MAP2: variants seen among roughly 807,000 people sequenced by gnomAD.
MAP2 encodes microtubule-associated protein 2.
MAP2 carries 14 observed loss-of-function variants against 137.6 expected under a neutral mutation model. That is an observed-to-expected ratio of 0.10 (90% CI 0.07 to 0.16). The LOEUF (loss-of-function observed/expected upper bound fraction) is 0.16, where lower values mean the gene tolerates loss of function less well. Ranked by LOEUF, MAP2 falls within the 10% of genes least tolerant of loss-of-function variation. The pLI is 1.00. For synonymous variants in MAP2, 786 were observed against 782.3 expected, an observed-to-expected ratio of 1.00 and a Z score of -0.08; for missense variants, 2,088 against 2,191.5, an observed-to-expected ratio of 0.95 and a Z score of 0.94.
chr2:209,649,875 G>A (rs1254768551), intron 4 of MAP2, among the ~76,000 whole-genome samples: 2 of 152,140 alleles, frequency 1.3e-5, no homozygotes, highest in Non-Finnish European at 2.9e-5. Flanking sequence ...TGGCTAGCCA[G>A]CCTTTTCTTC....
intron 1 of MAP2, among the ~76,000 whole-genome samples, chr2:209,459,746 C>T (rs552963616): frequency 1.3e-5 from 2 of 152,320 alleles, no homozygotes; most frequent in South Asian, 2.1e-4. Context: ...TACCAGGCCA[C>T]CATGCATTTT....
chr2:209,588,391 G>C (rs559660438), intron 3 of MAP2, among the ~76,000 whole-genome samples: 15 of 152,180 alleles, frequency 9.9e-5, no homozygotes, highest in Admixed American at 3.3e-4. Flanking sequence ...CCTTTTTTCA[G>C]ATTCTCTCCT....
intron 1 of MAP2, among the ~76,000 whole-genome samples, chr2:209,489,185 T>C (rs2058770015): frequency 6.6e-6 from 1 of 152,136 alleles, no homozygotes; most frequent in Non-Finnish European, 1.5e-5. Flanking sequence ...CCAGCAGACC[T>C]GCAGAAGAGG....
At chr2:209,461,909 A>AT (rs1559191960) in intron 1 of MAP2, among the ~76,000 whole-genome samples, 2 of 151,522 alleles carry the variant, frequency 1.3e-5, no homozygotes, top group East Asian at 3.9e-4. Context: ...TTTTCTTCTG[A>AT]TTTTTTTCTA....
intron 3 of MAP2, among the ~76,000 whole-genome samples, chr2:209,623,306 G>T (rs938698574): frequency 1.3e-5 from 2 of 152,002 alleles, no homozygotes; most frequent in Non-Finnish European, 2.9e-5. Flanking sequence ...CAGCAGGATG[G>T]TTCTGACCCA....
chr2:209,621,193 A>C (rs2091039454), intron 3 of MAP2, among the ~76,000 whole-genome samples: 1 of 151,562 alleles, frequency 6.6e-6, no homozygotes, highest in African/African-American at 2.4e-5. Context: ...ACAAGGGTGA[A>C]ACCAAAGAAA....
chr2:209,557,872 TGAAA>T (rs1024856424), intron 2 of MAP2, among the ~76,000 whole-genome samples: 4 of 152,210 alleles, frequency 2.6e-5, no homozygotes, highest in African/African-American at 9.6e-5. Context: ...TGGTGCCTTA[TGAAA>T]AACTCATCGC....
At chr2:209,428,348 T>C (rs1053743817) in intron 1 of MAP2, among the ~76,000 whole-genome samples, 18 of 151,718 alleles carry the variant, frequency 1.2e-4, no homozygotes, top group Non-Finnish European at 2.2e-4. Context: ...CAGTTTGTTT[T>C]CCGTTAAAAC....
intron 5 of MAP2, among the ~76,000 whole-genome samples, chr2:209,660,554 G>C (rs998755995): frequency 6.9e-6 from 1 of 145,376 alleles, no homozygotes; most frequent in African/African-American, 2.6e-5. Flanking sequence ...CACCAAGCCC[G>C]GCTAATTTTT....
At chr2:209,608,851 C>A (rs1345963300) in intron 3 of MAP2, among the ~76,000 whole-genome samples, 4 of 152,070 alleles carry the variant, frequency 2.6e-5, no homozygotes, top group African/African-American at 9.7e-5. Flanking sequence ...TTCTCATTGC[C>A]CCTTTGCTTC....
chr2:209,678,640 G>A lies in MAP2; in HGVS notation c.331G>A (p.Glu111Lys). ...TGTAGCAGTCCTGAAAGGTGAACAA[G>A]AGAAAGAAGCTCAACATAAAGACCA... ...EAVAVLKGEQ[E>K]KEAQHKDQTA... The change falls in exon 6 of 16, where the codon GAG (glutamate) becomes AAG (lysine). Residue 111 changes from glutamate (E) to lysine (K), a missense_variant. By Grantham distance (56) the Glu-to-Lys change is moderately conservative. Around this residue, in one of 6 missense-constraint regions of MAP2, gnomAD observed 859 missense variants for 794.5 expected, o/e 1.08. Coordinates refer to ENST00000682079, the MANE Select transcript of MAP2 (RefSeq NM_001375505.1). 6.2e-7 allele frequency: 1 copy of A among 1,606,108 alleles called. No homozygotes were observed. The highest frequency in any genetic ancestry group is 8.5e-7 in the Non-Finnish European group (1 of 1,175,976).
chr2:209,520,540 T>C lies in MAP2; in HGVS notation c.-172+12899T>C, dbSNP rs539938604. On this transcript the variant is annotated intron_variant, in intron 2 of 15. Coordinates refer to ENST00000682079, the MANE Select transcript of MAP2 (RefSeq NM_001375505.1). ...AAGGAGAAAAGAATGTCACAAGGGCTTAATCTTTCCAGCAGAAATATTATT... is the reference window on the plus strand; with the variant it reads ...AAGGAGAAAAGAATGTCACAAGGGCCTAATCTTTCCAGCAGAAATATTATT... Among the ~76,000 whole-genome samples the C allele has an allele frequency of 2.0e-5, 3 of 152,194 alleles. No individual in the cohort carries two copies. The South Asian group carries it at 6.2e-4, about 32-fold the overall frequency.
intron 3 of MAP2, among the ~76,000 whole-genome samples, chr2:209,585,809 G>A (rs942982087): frequency 6.6e-6 from 1 of 152,040 alleles, no homozygotes; most frequent in African/African-American, 2.4e-5. Context: ...ATTCTATTTT[G>A]TCAAATTCCT....
rs1559697168 is a variant in MAP2 at position 209,732,852 on chromosome 2, A to AT, written c.*2456dup. 6.6e-6 allele frequency: 1 copy of AT among 152,650 alleles called. No individual in the cohort carries two copies. Among genetic ancestry groups the AT allele is most frequent in the African/African-American group, 2.4e-5 (1 of 41,456 alleles). 9.5% of individuals were successfully genotyped at this position (152,650 alleles called of 1,614,324 possible). On this transcript the variant is annotated 3_prime_UTR_variant, in exon 16 of 16. Coordinates refer to ENST00000682079, the MANE Select transcript of MAP2 (RefSeq NM_001375505.1). The stretch of plus-strand genomic sequence containing the variant: ...ATCACAACAAAATTATAATGAATAA[A>AT]TGTTCTTGCTTTGTATGGAAATACA...
At chr2:209,661,171 A>G (rs747335536) in intron 5 of MAP2, among the ~76,000 whole-genome samples, 4 of 152,156 alleles carry the variant, frequency 2.6e-5, no homozygotes, top group Non-Finnish European at 4.4e-5. Context: ...CAGAAGATTC[A>G]AATCTATCTT....
chr2:209,495,554 G>A (rs897174620), intron 1 of MAP2, among the ~76,000 whole-genome samples: 1 of 152,250 alleles, frequency 6.6e-6, no homozygotes, highest in Non-Finnish European at 1.5e-5. Context: ...AGGGTCTGGA[G>A]TGGACCTCCA....
intron 1 of MAP2, among the ~76,000 whole-genome samples, chr2:209,425,726 A>G (rs1459846242): frequency 6.6e-6 from 1 of 152,234 alleles, no homozygotes; most frequent in Non-Finnish European, 1.5e-5. Flanking sequence ...GTACCAGCCC[A>G]GTTCAAAAGC....
intron 1 of MAP2, among the ~76,000 whole-genome samples, chr2:209,442,687 C>T (rs1698105054): frequency 6.6e-6 from 1 of 151,570 alleles, no homozygotes; most frequent in Non-Finnish European, 1.5e-5. Flanking sequence ...GAGTCAGGCT[C>T]ATATATCCAA....
intron 1 of MAP2, among the ~76,000 whole-genome samples, chr2:209,456,318 A>G (rs1205033402): frequency 1.3e-5 from 2 of 152,276 alleles, no homozygotes; most frequent in South Asian, 2.1e-4. Context: ...TTTAGATGTC[A>G]CTGTTCTAAA....
Sources: allele counts gnomAD v4.1 joint callset (sites outside exome capture counted in the v4.1 genomes callset), GRCh38; gene constraint gnomAD v4.1.1; regional missense constraint gnomAD v4.1.1; transcripts MANE v1.5; gene names NCBI Gene and HGNC (gene_info 2026-07-23, HGNC 2026-07-21).